Variants in NEBL observed in about 807,000 individuals in gnomAD.
The protein encoded by NEBL is LIM and SH3 protein 2.
NEBL carries 122 observed loss-of-function variants against 140.2 expected under a neutral mutation model. The observed-to-expected ratio is 0.87, with a 90% CI of 0.75 to 1.01. NEBL has a LOEUF of 1.01. Among genes scored for constraint, NEBL ranks in the 50% least tolerant of loss-of-function variants. The pLI is 0.00. For synonymous variants in NEBL, 436 were observed against 398.9 expected (o/e 1.09, Z -1.11); for missense variants, 1,365 against 1,231.3 (o/e 1.11, Z -1.62).
chr10:20,911,308 G>A (rs890011089), intron 4 of NEBL, among the ~76,000 whole-genome samples: 1 of 152,154 alleles, frequency 6.6e-6, no homozygotes, highest in Admixed American at 6.5e-5. Context: ...AAGTTAGCAT[G>A]AACAAACTTA....
At chr10:20,908,708 A>T (rs1037848244) in intron 4 of NEBL, among the ~76,000 whole-genome samples, 1 of 152,242 alleles carries the variant, frequency 6.6e-6, no homozygotes, top group Admixed American at 6.5e-5. Flanking sequence ...AGATGAACAC[A>T]CTCTGCTCTG....
chr10:20,934,363 CAG>C (rs1290481506), intron 4 of NEBL, among the ~76,000 whole-genome samples: 1 of 152,254 alleles, frequency 6.6e-6, no homozygotes, highest in East Asian at 1.9e-4. Context: ...GCTTTTTGAT[CAG>C]AGAGTGTGCC....
chr10:20,986,536 A>ACTT (rs1837265281), intron 3 of NEBL, among the ~76,000 whole-genome samples: 1 of 152,198 alleles, frequency 6.6e-6, no homozygotes. Context: ...TTCCTAAATA[A>ACTT]TGGCTAAAGA....
chr10:21,169,026 G>A (rs1321996273), intron 2 of NEBL, among the ~76,000 whole-genome samples: 5 of 121,832 alleles, frequency 4.1e-5, no homozygotes, highest in African/African-American at 1.3e-4. Flanking sequence ...TCCAGCCTGC[G>A]CTACAGAGTG....
chr10:21,278,814 T>G (rs972291696), intron 1 of NEBL, among the ~76,000 whole-genome samples: 1 of 152,150 alleles, frequency 6.6e-6, no homozygotes, highest in Non-Finnish European at 1.5e-5. Context: ...GGGAGTTCTC[T>G]GCAGGGCCAA....
At chr10:21,122,002 G>GGTTGTTT (rs1554826540) in intron 2 of NEBL, among the ~76,000 whole-genome samples, 4 of 149,434 alleles carry the variant, frequency 2.7e-5, no homozygotes, top group African/African-American at 9.9e-5. Context: ...GATTTCTCCT[G>GGTTGTTT]GTTGTTGTTG....
At chr10:21,146,703 G>C (rs1488194900) in intron 2 of NEBL, 4 of 522,592 alleles carry the variant, frequency 7.7e-6, no homozygotes, top group Non-Finnish European at 1.3e-5. Context: ...GAAAAGAATT[G>C]CAATGCCCTG....
intron 2 of NEBL, among the ~76,000 whole-genome samples, chr10:21,066,057 C>T (rs1835524495): frequency 6.6e-6 from 1 of 152,180 alleles, no homozygotes; most frequent in Non-Finnish European, 1.5e-5. Flanking sequence ...ACTCAGCATC[C>T]ATCAGTCTTT....
chr10:20,991,711 C>G (rs1260772960), intron 3 of NEBL, among the ~76,000 whole-genome samples: 1 of 151,492 alleles, frequency 6.6e-6, no homozygotes, highest in African/African-American at 2.4e-5. Flanking sequence ...ACCTCATTGC[C>G]CAGGTAGTGA....
intron 3 of NEBL, among the ~76,000 whole-genome samples, chr10:21,210,853 C>T (rs535600484): frequency 1.4e-4 from 21 of 152,296 alleles, no homozygotes; most frequent in African/African-American, 4.8e-4. Context: ...AATGTACACG[C>T]TATGTATGAG....
intron 2 of NEBL, among the ~76,000 whole-genome samples, chr10:21,063,641 C>T (rs1310739432): frequency 6.6e-6 from 1 of 152,152 alleles, no homozygotes; most frequent in East Asian, 1.9e-4. Flanking sequence ...CACCTGTAAT[C>T]CTAGCACTTT....
At chr10:21,133,363 G>A (rs1321906675) in intron 2 of NEBL, among the ~76,000 whole-genome samples, 2 of 152,142 alleles carry the variant, frequency 1.3e-5, no homozygotes, top group African/African-American at 2.4e-5. Context: ...TAGCGGAGGG[G>A]GCTCCTTACT....
intron 3 of NEBL, among the ~76,000 whole-genome samples, chr10:21,239,782 T>C (rs1019943148): frequency 1.2e-4 from 18 of 151,834 alleles, no homozygotes; most frequent in East Asian, 5.8e-4. Context: ...CTTTGGAGGT[T>C]GAGGTGGGCG....
intron 2 of NEBL, among the ~76,000 whole-genome samples, chr10:21,096,860 T>C (rs1837212187): frequency 6.6e-6 from 1 of 152,142 alleles, no homozygotes; most frequent in Non-Finnish European, 1.5e-5. Context: ...ACATTGGTCT[T>C]TCTTTCATTA....
intron 27 of NEBL, among the ~76,000 whole-genome samples, chr10:20,786,700 A>G (rs1447399670): frequency 6.6e-6 from 1 of 152,194 alleles, no homozygotes; most frequent in African/African-American, 2.4e-5. Context: ...TGTAGAAGAA[A>G]TTTCTGCATG....
chr10:20,977,265 A>C (rs1836842743), intron 3 of NEBL, among the ~76,000 whole-genome samples: 1 of 131,882 alleles, frequency 7.6e-6, no homozygotes, highest in Non-Finnish European at 1.5e-5. Context: ...ACCTAAAGTT[A>C]AAAGAGAAAG....
At chr10:21,148,999 G>A (rs925585573) in intron 2 of NEBL, among the ~76,000 whole-genome samples, 9 of 152,182 alleles carry the variant, frequency 5.9e-5, no homozygotes, top group African/African-American at 1.9e-4. Flanking sequence ...CAGGAGGAAG[G>A]AATCCTGCAC....
At chr10:21,149,065 T>A (rs546679189) in intron 2 of NEBL, among the ~76,000 whole-genome samples, 1 of 152,306 alleles carries the variant, frequency 6.6e-6, no homozygotes, top group African/African-American at 2.4e-5. Flanking sequence ...CCCACTCGTC[T>A]GTTAGGATTA....
At chr10:20,849,905 T>C (rs895452925) in intron 11 of NEBL, among the ~76,000 whole-genome samples, 4 of 152,142 alleles carry the variant, frequency 2.6e-5, no homozygotes, top group African/African-American at 9.7e-5. Flanking sequence ...CCTAGCATCA[T>C]TACTTTGAGG....
Sources: gnomAD v4.1 joint callset for allele counts (sites outside exome capture counted in the v4.1 genomes callset) on GRCh38, gnomAD v4.1.1 for gene constraint, MANE v1.5 for transcripts, NCBI Gene and HGNC (gene_info 2026-07-23, HGNC 2026-07-21) for gene names.